The following RAB3C variants were observed in gnomAD, a reference collection of about 807,000 sequenced individuals.
RAB3C encodes the protein RAB3C, member RAS oncogene family, also known as ras-related protein Rab-3C.
A neutral mutation model predicts 26.4 loss-of-function variants in RAB3C; 17 were observed. The observed-to-expected ratio is 0.64, with a 90% confidence interval of 0.44 to 0.97. RAB3C has a LOEUF of 0.97. Among genes scored for constraint, RAB3C ranks in the 50% least tolerant of loss-of-function variants. RAB3C has a pLI of 0.00. For synonymous variants in RAB3C, 91 were observed against 95.9 expected (o/e 0.95, Z 0.30); for missense variants, 242 against 281.9 (o/e 0.86, Z 1.01).
At chr5:58,831,952 C>A (rs74958982) in intron 4 of RAB3C, among the ~76,000 whole-genome samples, 9,152 of 152,168 alleles carry the variant, frequency 0.06, 374 homozygotes, top group East Asian at 0.14. Context: ...TGGGCTGGGA[C>A]CCAGACAACA....
chr5:58,799,903 C>CA (rs141610640), intron 3 of RAB3C, among the ~76,000 whole-genome samples: 2,337 of 152,036 alleles, frequency 0.015, 47 homozygotes, highest in South Asian at 0.061. Context: ...AACACCTGAA[C>CA]AAAAAAAGAG....
chr5:58,619,414 A>T (rs1398119725), intron 2 of RAB3C, among the ~76,000 whole-genome samples: 1 of 152,198 alleles, frequency 6.6e-6, no homozygotes. Context: ...TTTGAATTGC[A>T]GGCAATCCAA....
At chr5:58,828,550 G>A (rs1743539680) in intron 4 of RAB3C, among the ~76,000 whole-genome samples, 1 of 152,176 alleles carries the variant, frequency 6.6e-6, no homozygotes, top group Non-Finnish European at 1.5e-5. Context: ...ACTAATGACT[G>A]CCAAATCATG....
intron 3 of RAB3C, among the ~76,000 whole-genome samples, chr5:58,808,241 A>G (rs1318256571): frequency 6.6e-6 from 1 of 151,818 alleles, no homozygotes; most frequent in East Asian, 1.9e-4. Context: ...AAAAAAAAAA[A>G]AGAAATAACT....
intron 2 of RAB3C, among the ~76,000 whole-genome samples, chr5:58,625,871 A>AAT: frequency 6.6e-6 from 1 of 151,780 alleles, no homozygotes; most frequent in East Asian, 1.9e-4. Context: ...AAAAAAAAAA[A>AAT]ATTGGAATAC....
chr5:58,712,084 C>T (rs1441796916), intron 2 of RAB3C, among the ~76,000 whole-genome samples: 1 of 152,150 alleles, frequency 6.6e-6, no homozygotes, highest in Non-Finnish European at 1.5e-5. Context: ...ATCTACCCAT[C>T]ACTGGAAACC....
intron 3 of RAB3C, among the ~76,000 whole-genome samples, chr5:58,793,207 A>G (rs189974443): frequency 1.3e-5 from 2 of 152,300 alleles, no homozygotes; most frequent in African/African-American, 4.8e-5. Context: ...ATACAATACC[A>G]AAAGAGAAAT....
chr5:58,666,353 CTGTA>C (rs1748001114), intron 2 of RAB3C, among the ~76,000 whole-genome samples: 1 of 152,146 alleles, frequency 6.6e-6, no homozygotes, highest in Non-Finnish European at 1.5e-5. Flanking sequence ...AGCTATTACT[CTGTA>C]TGAGTGGATA....
chr5:58,594,562 A>C (rs1746205991), intron 1 of RAB3C, among the ~76,000 whole-genome samples: 1 of 152,166 alleles, frequency 6.6e-6, no homozygotes. Context: ...AAACAAAAAC[A>C]TGTAGATTAT....
chr5:58,693,328 ATATATGTG>A lies in RAB3C; in HGVS notation c.253-32668_253-32661del, dbSNP rs1379533627. Among the ~76,000 whole-genome samples the A allele has an allele frequency of 6.3e-4, 49 of 77,394 alleles. 1 individual carries two copies. Among genetic ancestry groups the A allele is most frequent in the African/African-American group, 1.8e-3 (35 of 19,786 alleles). 50.8% of individuals were successfully genotyped at this position (77,394 alleles called of 152,430 possible). Reference sequence around the variant, plus strand: ...TATAAATAAAATTAAGAAATTATATATATATGTGTATATATATATATATATATATATAT... The same window carrying A: ...TATAAATAAAATTAAGAAATTATATATATATATATATATATATATATATAT... On this transcript the variant is annotated intron_variant, in intron 2 of 4. Coordinates refer to ENST00000282878, the MANE Select transcript of RAB3C (RefSeq NM_138453.4).
At chr5:58,599,357 C>G (rs150445808) in intron 1 of RAB3C, among the ~76,000 whole-genome samples, 1 of 152,152 alleles carries the variant, frequency 6.6e-6, no homozygotes, top group African/African-American at 2.4e-5. Flanking sequence ...GAGCAGGGAC[C>G]AGGGCCTGAG....
At chr5:58,628,221 GA>G (rs1408483504) in intron 2 of RAB3C, among the ~76,000 whole-genome samples, 1 of 145,244 alleles carries the variant, frequency 6.9e-6, no homozygotes, top group African/African-American at 2.6e-5. Context: ...AGAAACAACA[GA>G]AAAGTACAAA....
At chr5:58,596,310 A>G (rs1234457664) in intron 1 of RAB3C, among the ~76,000 whole-genome samples, 4 of 151,458 alleles carry the variant, frequency 2.6e-5, no homozygotes, top group Admixed American at 2.0e-4. Context: ...TGCTTTCTCA[A>G]GTCTATTCAC....
chr5:58,582,902 G>C, upstream of RAB3C: 1 of 502,712 alleles, frequency 2.0e-6, no homozygotes, highest in Non-Finnish European at 3.3e-6. Flanking sequence ...GAGGCTCCGC[G>C]GCCGAGCCCG....
chr5:58,600,831 C>T (rs1327107555), intron 1 of RAB3C, among the ~76,000 whole-genome samples: 2 of 152,034 alleles, frequency 1.3e-5, no homozygotes, highest in African/African-American at 2.4e-5. Context: ...TCTGGATGCC[C>T]TTTATTTCTT....
At chr5:58,608,467 G>A (rs1746620831) in intron 1 of RAB3C, among the ~76,000 whole-genome samples, 1 of 152,166 alleles carries the variant, frequency 6.6e-6, no homozygotes, top group Admixed American at 6.5e-5. Context: ...TCAGAGAAAT[G>A]CAAATCAAAA....
At chr5:58,636,793 C>T (rs879127335) in intron 2 of RAB3C, among the ~76,000 whole-genome samples, 1 of 152,074 alleles carries the variant, frequency 6.6e-6, no homozygotes, top group Admixed American at 6.6e-5. Flanking sequence ...AACAGACCAC[C>T]AAAAAGATAG....
chr5:58,705,102 AT>A (rs1748917749), intron 2 of RAB3C, among the ~76,000 whole-genome samples: 2 of 152,022 alleles, frequency 1.3e-5, no homozygotes, highest in South Asian at 4.1e-4. Context: ...ATCTTTGATA[AT>A]TTTTTTAACC....
chr5:58,836,143 A>G (rs1743741362), intron 4 of RAB3C, among the ~76,000 whole-genome samples: 1 of 152,228 alleles, frequency 6.6e-6, no homozygotes, highest in South Asian at 2.1e-4. Context: ...TCCTTTTATC[A>G]ATAGAAAAAA....
Sources: allele counts gnomAD v4.1 joint callset (sites outside exome capture counted in the v4.1 genomes callset), GRCh38; gene constraint gnomAD v4.1.1; transcripts MANE v1.5; gene names NCBI Gene and HGNC (gene_info 2026-07-23, HGNC 2026-07-21).